PTPRD: variants seen among roughly 807,000 people sequenced by gnomAD.
PTPRD encodes the protein protein tyrosine phosphatase receptor type D.
In PTPRD, 34 loss-of-function variants were observed where a neutral mutation model predicts 214.5. The observed-to-expected ratio is 0.16, with a 90% CI of 0.12 to 0.21. PTPRD has a LOEUF of 0.21. Ranked by LOEUF, PTPRD falls within the 10% of genes least tolerant of loss-of-function variation. The probability of loss-of-function intolerance (pLI) is 1.00; values close to 1 mark genes in which losing one functional copy is unlikely to be tolerated. For synonymous variants in PTPRD, 1,128 were observed against 845.7 expected (o/e 1.33, Z -5.79); for missense variants, 2,545 against 2,398.7 (o/e 1.06, Z -1.27).
At chr9:9,145,236 T>A (rs2099866667) in intron 10 of PTPRD, among the ~76,000 whole-genome samples, 1 of 152,194 alleles carries the variant, frequency 6.6e-6, no homozygotes. Flanking sequence ...CCAGATAATT[T>A]ATGTGTACTA....
intron 12 of PTPRD, among the ~76,000 whole-genome samples, chr9:8,680,242 C>A (rs573377366): frequency 1.3e-5 from 2 of 152,128 alleles, no homozygotes; most frequent in Non-Finnish European, 2.9e-5. Context: ...AGCGCTAACA[C>A]TGGAAAACCA....
intron 7 of PTPRD, among the ~76,000 whole-genome samples, chr9:9,640,453 C>A (rs1010650411): frequency 6.6e-6 from 1 of 152,168 alleles, no homozygotes; most frequent in Admixed American, 6.5e-5. Flanking sequence ...TCTGCCCTGC[C>A]AGAAGCCTCT....
intron 5 of PTPRD, among the ~76,000 whole-genome samples, chr9:9,790,532 G>C (rs1358111882): frequency 6.6e-6 from 1 of 152,074 alleles, no homozygotes; most frequent in Non-Finnish European, 1.5e-5. Flanking sequence ...AAGTTATTCT[G>C]TTGCTAATTA....
intron 2 of PTPRD, among the ~76,000 whole-genome samples, chr9:10,449,659 G>A (rs996739832): frequency 4.5e-4 from 69 of 151,662 alleles, no homozygotes; most frequent in Non-Finnish European, 7.4e-4. Flanking sequence ...CCCCGTCTGG[G>A]ATGTGAGGAG....
intron 7 of PTPRD, among the ~76,000 whole-genome samples, chr9:9,608,774 C>T (rs545389333): frequency 1.1e-3 from 166 of 152,334 alleles, no homozygotes; most frequent in African/African-American, 4.0e-3. Context: ...TCTTGACCAG[C>T]TCTTTATTAA....
chr9:9,241,864 T>C (rs143403349), intron 9 of PTPRD, among the ~76,000 whole-genome samples: 2 of 152,164 alleles, frequency 1.3e-5, no homozygotes, highest in East Asian at 1.9e-4. Context: ...AATATTGTTA[T>C]GTGTGAATTT....
chr9:9,631,243 A>C (rs1424619654), intron 7 of PTPRD, among the ~76,000 whole-genome samples: 1 of 151,630 alleles, frequency 6.6e-6, no homozygotes, highest in African/African-American at 2.4e-5. Context: ...AGAAAAAAAA[A>C]AAAGAAAGAG....
chr9:9,228,479 C>T (rs576552321), intron 9 of PTPRD, among the ~76,000 whole-genome samples: 1 of 152,138 alleles, frequency 6.6e-6, no homozygotes, highest in Non-Finnish European at 1.5e-5. Flanking sequence ...TTGATATATA[C>T]AGTATATATA....
intron 11 of PTPRD, among the ~76,000 whole-genome samples, chr9:8,753,633 A>G (rs941587183): frequency 3.9e-5 from 6 of 152,236 alleles, no homozygotes; most frequent in Admixed American, 2.0e-4. Flanking sequence ...TGAATTTTGC[A>G]AGGCTGCTAA....
chr9:8,441,624 G>A (rs1009108365), intron 34 of PTPRD, among the ~76,000 whole-genome samples: 2 of 152,018 alleles, frequency 1.3e-5, no homozygotes, highest in Admixed American at 1.3e-4. Context: ...GTGACAGACT[G>A]CATGCTTGTA....
At chr9:10,408,952 A>T (rs2098405750) in intron 2 of PTPRD, among the ~76,000 whole-genome samples, 1 of 151,768 alleles carries the variant, frequency 6.6e-6, no homozygotes, top group African/African-American at 2.4e-5. Flanking sequence ...TGTTCAATAG[A>T]TATATGCTGA....
At chr9:9,263,213 G>T (rs2099980898) in intron 9 of PTPRD, among the ~76,000 whole-genome samples, 1 of 151,506 alleles carries the variant, frequency 6.6e-6, no homozygotes, top group South Asian at 2.1e-4. Flanking sequence ...ATTAGGATTT[G>T]ACTCTTTTTA....
rs147103040 is a variant in PTPRD at position 8,916,904 on chromosome 9, C to T, written c.-104+101793G>A. ...GACTAAATCTTTCTCATAAAACCTC[C>T]TGTGGTATCAAATATCCAAAGCAAA... On this transcript the variant is annotated intron_variant, in intron 11 of 45. Transcript: ENST00000381196. Among the ~76,000 whole-genome samples, 24 of 152,200 alleles carry T rather than the reference C, an allele frequency of 1.6e-4. No homozygotes were observed. The East Asian group carries it at 3.9e-3, about 24-fold the overall frequency.
intron 10 of PTPRD, among the ~76,000 whole-genome samples, chr9:9,026,117 T>C (rs897896563): frequency 4.2e-4 from 45 of 108,310 alleles, no homozygotes; most frequent in African/African-American, 1.5e-3. Context: ...CTACAGAGGA[T>C]AGTCAGGAAG....
intron 11 of PTPRD, among the ~76,000 whole-genome samples, chr9:8,834,436 T>C (rs2097368930): frequency 6.6e-6 from 1 of 152,198 alleles, no homozygotes. Context: ...AACCTGTTTT[T>C]GTTTATTTCA....
chr9:8,552,415 T>C (rs952645649), intron 14 of PTPRD, among the ~76,000 whole-genome samples: 3 of 152,118 alleles, frequency 2.0e-5, no homozygotes, highest in African/African-American at 7.2e-5. Flanking sequence ...GGATTTGGTA[T>C]CCACTTTTCT....
At chr9:9,791,785 G>A (rs544779240) in intron 5 of PTPRD, among the ~76,000 whole-genome samples, 10 of 152,140 alleles carry the variant, frequency 6.6e-5, no homozygotes, top group African/African-American at 9.6e-5. Context: ...TACAAAAATC[G>A]AGAAATCATT....
intron 11 of PTPRD, among the ~76,000 whole-genome samples, chr9:8,990,238 C>G (rs1227696403): frequency 2.6e-5 from 4 of 152,134 alleles, no homozygotes; most frequent in African/African-American, 9.6e-5. Context: ...AGAGAGATTG[C>G]AACACACTAA....
At chr9:9,961,056 A>G (rs1310498009) in intron 4 of PTPRD, among the ~76,000 whole-genome samples, 1 of 139,232 alleles carries the variant, frequency 7.2e-6, no homozygotes, top group African/African-American at 2.5e-5. Context: ...AGACACATGA[A>G]AAAATGCTCA....
Sources: gnomAD v4.1 joint callset for allele counts (sites outside exome capture counted in the v4.1 genomes callset) on GRCh38, gnomAD v4.1.1 for gene constraint, MANE v1.5 for transcripts, NCBI Gene and HGNC (gene_info 2026-07-23, HGNC 2026-07-21) for gene names.